Variants in NUS1 observed in about 807,000 individuals in gnomAD.
NUS1 encodes the protein dehydrodolichyl diphosphate synthase complex subunit NUS1.
For synonymous variants in NUS1, 135 were observed against 155.2 expected (o/e 0.87, Z 0.97); for missense variants, 292 against 382.9 (o/e 0.76, Z 1.98).
In NUS1 at chr6:117,675,474, A is replaced by G. The variant is rs1772953687; in HGVS notation, c.-197A>G. 2 of 611,440 alleles carry G rather than the reference A, an allele frequency of 3.3e-6. No homozygotes were observed. The highest frequency in any genetic ancestry group is 3.9e-5 in the South Asian group (2 of 51,856). The allele number at this position is 611,440 out of a possible 1,614,324, so 37.9% of individuals were successfully genotyped here. The stretch of plus-strand genomic sequence containing the variant: ...GGCCAATCGGAACTGTCCATGTACT[A>G]CTGGGGGCGGGGCTGCCAAGGGAGG... On this transcript the variant is annotated 5_prime_UTR_variant, in exon 1 of 5. Coordinates refer to ENST00000368494, the MANE Select transcript of NUS1 (RefSeq NM_138459.5).
Position 117,707,021 on chromosome 6 carries a change from A to T in NUS1, c.*6A>T. On this transcript the variant is annotated 3_prime_UTR_variant, in exon 5 of 5. Transcript: ENST00000368494. ...AACAGCGTCTGGGAAAGTAGTGGTC[A>T]TTGGTTGCATAATTTGATTTGAGGC... 1 of 1,611,184 alleles carries T rather than the reference A, an allele frequency of 6.2e-7. No homozygotes were observed. The highest frequency in any genetic ancestry group is 8.5e-7 in the Non-Finnish European group (1 of 1,177,696).
At position 117,707,135 on chromosome 6, in the gene NUS1, T is replaced by C; in HGVS notation, c.*120T>C. 1.2e-6 allele frequency: 1 copy of C among 868,244 alleles called. No individual in the cohort carries two copies. Among genetic ancestry groups the C allele is most frequent in the Non-Finnish European group, 1.9e-6 (1 of 539,754 alleles). The allele number at this position is 868,244 out of a possible 1,614,324, so 53.8% of individuals were successfully genotyped here. A position where few individuals can be genotyped will look rare whatever the true frequency, so the allele number is the denominator to read the frequency against. Reference sequence around the variant, plus strand: ...CCTAGTTCATAATCCTCATAATTTATCAACAAACACAAAAAAGTGTCTTAC... The same window carrying C: ...CCTAGTTCATAATCCTCATAATTTACCAACAAACACAAAAAAGTGTCTTAC... On this transcript the variant is annotated 3_prime_UTR_variant, in exon 5 of 5. Coordinates refer to ENST00000368494, the MANE Select transcript of NUS1 (RefSeq NM_138459.5).
intron 4 of NUS1, among the ~76,000 whole-genome samples, chr6:117,706,282 T>C (rs904086935): frequency 1.3e-5 from 2 of 152,158 alleles, no homozygotes; most frequent in Non-Finnish European, 2.9e-5. Context: ...TCTAGGTTGC[T>C]CACAACATGG....
At position 117,686,437 on chromosome 6, in the gene NUS1, G is replaced by C. The variant is rs57045979; in HGVS notation, c.416-6605G>C. On this transcript the variant is annotated intron_variant, in intron 1 of 4. Coordinates refer to ENST00000368494, the MANE Select transcript of NUS1 (RefSeq NM_138459.5). ...AAATAGTAACTGAACTGAATAATTT[G>C]AGGGATACCTGGATTTCAGGCCAAA... Among the ~76,000 whole-genome samples, 840 of 152,240 alleles carry C rather than the reference G, an allele frequency of 5.5e-3. 10 individuals are homozygous for C. The highest frequency in any genetic ancestry group is 0.019 in the African/African-American group (786 of 41,550).
intron 1 of NUS1, among the ~76,000 whole-genome samples, chr6:117,679,439 T>C (rs951635396): frequency 6.6e-6 from 1 of 152,248 alleles, no homozygotes; most frequent in African/African-American, 2.4e-5. Context: ...TGAGGTAGGA[T>C]GAAGGCTTGG....
intron 3 of NUS1, among the ~76,000 whole-genome samples, chr6:117,696,372 TC>T (rs1773320819): frequency 6.6e-6 from 1 of 151,846 alleles, no homozygotes; most frequent in South Asian, 2.1e-4. Flanking sequence ...CTAGAGAACT[TC>T]CCAAACCTAG....
chr6:117,691,502 C>T (rs1345639319), intron 1 of NUS1, among the ~76,000 whole-genome samples: 1 of 147,562 alleles, frequency 6.8e-6, no homozygotes, highest in African/African-American at 2.5e-5. Flanking sequence ...TACACATATA[C>T]TTCTGGCTTG....
intron 4 of NUS1, among the ~76,000 whole-genome samples, chr6:117,705,411 T>C (rs1050460148): frequency 3.3e-5 from 5 of 152,152 alleles, no homozygotes; most frequent in Non-Finnish European, 7.4e-5. Flanking sequence ...TTATTTAAAC[T>C]CTCTATATTT....
Position 117,708,639 on chromosome 6 carries a change from C to T in NUS1, c.*1624C>T, listed in dbSNP as rs118150610. 15 of 143,154 alleles carry T rather than the reference C, an allele frequency of 1.0e-4. No homozygotes were observed. The East Asian group carries it at 1.9e-3, about 19-fold the overall frequency. 8.9% of individuals were successfully genotyped at this position (143,154 alleles called of 1,614,324 possible). ...ACTGCATAATCCATTATACGTTGTACGACTTTTTTTTTTTGTTTTAATTTA... is the reference window on the plus strand; with the variant it reads ...ACTGCATAATCCATTATACGTTGTATGACTTTTTTTTTTTGTTTTAATTTA... On this transcript the variant is annotated 3_prime_UTR_variant, in exon 5 of 5. Coordinates refer to ENST00000368494, the MANE Select transcript of NUS1 (RefSeq NM_138459.5).
At chr6:117,686,940 G>A (rs1469761043) in intron 1 of NUS1, among the ~76,000 whole-genome samples, 3 of 150,436 alleles carry the variant, frequency 2.0e-5, no homozygotes, top group Non-Finnish European at 3.0e-5. Context: ...TGATAATATT[G>A]CTTGTGAATA....
chr6:117,685,943 G>GCA (rs2114681565), intron 1 of NUS1, among the ~76,000 whole-genome samples: 1 of 132,484 alleles, frequency 7.5e-6, no homozygotes, highest in Middle Eastern at 4.9e-3. Flanking sequence ...GCCTGGGTGA[G>GCA]AGAGTGATAC....
At chr6:117,689,013 A>G (rs980023601) in intron 1 of NUS1, among the ~76,000 whole-genome samples, 1 of 152,172 alleles carries the variant, frequency 6.6e-6, no homozygotes, top group Non-Finnish European at 1.5e-5. Flanking sequence ...TGAGACGGGA[A>G]CCCTGAGGAA....
chr6:117,676,003 A>G lies in NUS1; in HGVS notation c.333A>G (p.Glu111=). 2 of 1,549,632 alleles carry G rather than the reference A, an allele frequency of 1.3e-6. No homozygotes were observed. The highest frequency in any genetic ancestry group is 4.9e-5 in the East Asian group (2 of 40,874). The change falls in exon 1 of 5, where the codon GAA becomes GAG. Residue 111 remains glutamate (E), a synonymous_variant. Transcript: ENST00000368494. ...MGLVITEVEQ[E]PSFSDIASLV... is the part of the protein sequence containing the mutation. ...TGGTGATCACCGAGGTGGAGCAGGA[A>G]CCCAGCTTCTCGGACATCGCGAGCC...
chr6:117,675,922 G>C lies in NUS1; in HGVS notation c.252G>C (p.Arg84=). 3 of 1,544,230 alleles carry C rather than the reference G, an allele frequency of 1.9e-6. No homozygotes were observed. Among genetic ancestry groups the C allele is most frequent in the Non-Finnish European group, 2.6e-6 (3 of 1,143,424 alleles). The part of the protein sequence containing the change: ...GGSCLAAAHH[R]MRWRADGRSL... The stretch of plus-strand genomic sequence containing the variant: ...CGTGCCTGGCAGCCGCACACCACCG[G>C]ATGCGCTGGCGCGCGGACGGTCGTT... Residue 84 remains arginine, a synonymous_variant, in exon 1 of 5, where the codon CGG becomes CGC. Coordinates refer to ENST00000368494, the MANE Select transcript of NUS1 (RefSeq NM_138459.5).
rs1367734310 is a variant in NUS1, at chr6:117,675,886, G to A, written c.216G>A (p.Pro72=). The A allele has an allele frequency of 2.6e-6, 4 of 1,534,946 alleles. No individual in the cohort carries two copies. Among genetic ancestry groups the A allele is most frequent in the Non-Finnish European group, 3.5e-6 (4 of 1,139,880 alleles). ...VGRNRRHHRH[P]RGGSCLAAAH... ...GGAACCGCCGTCACCACCGGCACCC[G>A]CGCGGGGGGTCGTGCCTGGCAGCCG... The change falls in exon 1 of 5, where the codon CCG becomes CCA. Residue 72 remains proline, a synonymous_variant. Transcript: ENST00000368494.
intron 3 of NUS1, among the ~76,000 whole-genome samples, chr6:117,699,906 A>T (rs1451395631): frequency 6.6e-6 from 1 of 152,196 alleles, no homozygotes; most frequent in African/African-American, 2.4e-5. Context: ...ATACAATGGG[A>T]AAAACCAGTA....
chr6:117,699,488 A>C (rs534568535), intron 3 of NUS1, among the ~76,000 whole-genome samples: 9 of 152,180 alleles, frequency 5.9e-5, no homozygotes, highest in Non-Finnish European at 8.8e-5. Context: ...GAAATTAAGG[A>C]GGACAGCCAA....
rs539668656 is a variant in NUS1 at position 117,675,867 on chromosome 6, G to C, written c.197G>C (p.Arg66Pro). 1.1e-3 allele frequency: 1,729 copies of C among 1,532,692 alleles called. 29 individuals carry two copies. In the Admixed American group the frequency reaches 0.029, roughly 26 times the overall value. 94.9% of individuals were successfully genotyped at this position (1,532,692 alleles called of 1,614,324 possible). Residue 66 changes from arginine (R) to proline (P), a missense_variant, in exon 1 of 5, where the codon CGC (arginine) becomes CCC (proline). Physicochemically the swap from Arg to Pro is moderately radical, Grantham distance 103 (BLOSUM62 -2). Coordinates refer to ENST00000368494, the MANE Select transcript of NUS1 (RefSeq NM_138459.5). ...AAGCCCCCGGCAGTCGGCAGGAACC[G>C]CCGTCACCACCGGCACCCGCGCGGG... ...LRKPPAVGRN[R>P]RHHRHPRGGS... is the part of the protein sequence containing the mutation.
At position 117,710,621 on chromosome 6, in the gene NUS1, A is replaced by T. The variant is rs552191381; in HGVS notation, c.*3606A>T. ...TAACAAGTTAATAAAGAGATTTTTT[A>T]AAAAACTATAAACTAGAAATTGAGA... On this transcript the variant is annotated 3_prime_UTR_variant, in exon 5 of 5. Coordinates refer to ENST00000368494, the MANE Select transcript of NUS1 (RefSeq NM_138459.5). The T allele has an allele frequency of 3.9e-5, 6 of 152,250 alleles. No individual in the cohort carries two copies. The highest frequency in any genetic ancestry group is 1.2e-4 in the African/African-American group (5 of 41,554). 9.4% of individuals were successfully genotyped at this position (152,250 alleles called of 1,614,324 possible). A position where few individuals can be genotyped will look rare whatever the true frequency, so the allele number is the denominator to read the frequency against.
Sources: allele counts gnomAD v4.1 joint callset (sites outside exome capture counted in the v4.1 genomes callset), GRCh38; gene constraint gnomAD v4.1.1; transcripts MANE v1.5; gene names NCBI Gene and HGNC (gene_info 2026-07-23, HGNC 2026-07-21).